CEP89: variants seen among roughly 807,000 people sequenced by gnomAD.
CEP89 encodes the protein centrosomal protein of 89 kDa.
A neutral mutation model predicts 97.6 loss-of-function variants in CEP89; 95 were observed. The observed-to-expected ratio is 0.97, with a 90% CI of 0.82 to 1.15. The LOEUF (loss-of-function observed/expected upper bound fraction) is 1.15. Ranked by LOEUF, CEP89 falls within the 50% of genes most tolerant of loss-of-function variation. CEP89 has a pLI of 0.00. For missense variants in CEP89, 869 were observed against 947.7 expected (o/e 0.92, Z 1.09); for synonymous variants, 354 against 349.1 (o/e 1.01, Z -0.16).
chr19:32,963,622 GC>G (rs1246714419), intron 2 of CEP89: 8 of 152,076 alleles, frequency 5.3e-5, no homozygotes, highest in African/African-American at 1.7e-4. Context: ...ACTGCCCCTG[GC>G]ATACACAAAG....
Position 32,971,756 on chromosome 19 carries a change from A to T in CEP89, c.39+80T>A, listed in dbSNP as rs1272482147. On this transcript the variant is annotated intron_variant, in intron 1 of 18. Coordinates refer to ENST00000305768, the MANE Select transcript of CEP89 (RefSeq NM_032816.5). ...GCCCCCTTGACTGGATCTCAGGCCA[A>T]ACCCCAACCCGCCCCAACACTTTAC... 1 of 1,469,026 alleles carries T rather than the reference A, an allele frequency of 6.8e-7. No individual in the cohort carries two copies. The highest frequency in any genetic ancestry group is 9.3e-7 in the Non-Finnish European group (1 of 1,071,492). The allele number at this position is 1,469,026 out of a possible 1,614,324, so 91.0% of individuals were successfully genotyped here. A position where few individuals can be genotyped will look rare whatever the true frequency, so the allele number is the denominator to read the frequency against.
chr19:32,955,044 G>A (rs145046735), intron 3 of CEP89, among the ~76,000 whole-genome samples: 1 of 151,906 alleles, frequency 6.6e-6, no homozygotes, highest in Non-Finnish European at 1.5e-5. Context: ...GAATGCAGAG[G>A]TGCAATCTTG....
intron 18 of CEP89, among the ~76,000 whole-genome samples, chr19:32,880,307 G>T (rs1048932331): frequency 3.9e-5 from 6 of 152,204 alleles, no homozygotes; most frequent in Non-Finnish European, 7.3e-5. Context: ...GCAGGACACT[G>T]AAGTTCAGGG....
At chr19:32,931,964 G>A (rs934749081) in intron 8 of CEP89, among the ~76,000 whole-genome samples, 6 of 152,140 alleles carry the variant, frequency 3.9e-5, no homozygotes, top group Admixed American at 6.5e-5. Context: ...GGTGGATCAC[G>A]AGGTGAGGAG....
chr19:32,961,792 C>T (rs569865151), intron 2 of CEP89, among the ~76,000 whole-genome samples: 2 of 151,562 alleles, frequency 1.3e-5, no homozygotes, highest in Admixed American at 6.6e-5. Flanking sequence ...TATAGGCACA[C>T]GCCACCACAC....
At chr19:32,896,361 G>T (rs59563992) in intron 16 of CEP89, among the ~76,000 whole-genome samples, 1 of 151,786 alleles carries the variant, frequency 6.6e-6, no homozygotes, top group East Asian at 1.9e-4. Flanking sequence ...AAGAACATAC[G>T]CTGGGGAAAG....
Position 32,899,833 on chromosome 19 carries a change from T to C in CEP89, c.1875+24A>G, listed in dbSNP as rs746266178. On this transcript the variant is annotated intron_variant, in intron 16 of 18. Coordinates refer to ENST00000305768, the MANE Select transcript of CEP89 (RefSeq NM_032816.5). ...TTTGCATATTAACTCGCAGTTTACT[T>C]GATGTAACCTTCAGGAAACTTACCA... The C allele has an allele frequency of 1.3e-5, 20 of 1,593,260 alleles. No individual in the cohort carries two copies. In the East Asian group the frequency reaches 4.5e-4, roughly 36 times the overall value.
intron 14 of CEP89, among the ~76,000 whole-genome samples, chr19:32,913,445 T>C (rs868369979): frequency 1.3e-5 from 2 of 151,740 alleles, no homozygotes; most frequent in South Asian, 2.1e-4. Context: ...ATACCATACA[T>C]AGGTATATAT....
Position 32,881,842 on chromosome 19 carries a change from A to G in CEP89, c.2135+2T>C, listed in dbSNP as rs1344305731. The G allele has an allele frequency of 6.3e-7, 1 of 1,599,560 alleles. No homozygotes were observed. Among genetic ancestry groups the G allele is most frequent in the South Asian group, 1.1e-5 (1 of 89,800 alleles). Reference sequence around the variant, plus strand: ...GGCCATGGCGCAGGGCGCATGCCCCACCTGTTCTGCTGCAGCGCCTGGTCC... The same window carrying G: ...GGCCATGGCGCAGGGCGCATGCCCCGCCTGTTCTGCTGCAGCGCCTGGTCC... On this transcript the variant is annotated splice_donor_variant, in intron 18 of 18. Transcript: ENST00000305768. LOFTEE classifies it high-confidence loss of function.
chr19:32,882,709 C>T (rs960527891), intron 17 of CEP89, among the ~76,000 whole-genome samples: 1 of 152,198 alleles, frequency 6.6e-6, no homozygotes, highest in Non-Finnish European at 1.5e-5. Context: ...CACTGTTTCA[C>T]CTTGACAAGA....
intron 14 of CEP89, among the ~76,000 whole-genome samples, chr19:32,902,802 C>T (rs763690090): frequency 8.5e-5 from 13 of 152,122 alleles, no homozygotes; most frequent in Non-Finnish European, 1.8e-4. Context: ...CTGATCTGTC[C>T]GTGTGTGAGA....
At chr19:32,882,628 G>A (rs148628294) in intron 17 of CEP89, among the ~76,000 whole-genome samples, 191 of 151,444 alleles carry the variant, frequency 1.3e-3, no homozygotes, top group African/African-American at 4.3e-3. Context: ...ATCTACAACT[G>A]TATTTTTTCC....
chr19:32,941,408 CAGG>C (rs928325022), intron 5 of CEP89, among the ~76,000 whole-genome samples: 3 of 152,018 alleles, frequency 2.0e-5, no homozygotes, highest in Admixed American at 2.0e-4. Context: ...GCGGCTGAGG[CAGG>C]AGAATTGCTT....
intron 7 of CEP89, among the ~76,000 whole-genome samples, chr19:32,935,410 T>A (rs920901559): frequency 3.3e-5 from 5 of 152,100 alleles, no homozygotes; most frequent in African/African-American, 1.2e-4. Flanking sequence ...ACCCTAAGAC[T>A]GGATGCGCAT....
At chr19:32,885,297 G>C (rs58744764) in intron 17 of CEP89, among the ~76,000 whole-genome samples, 14,894 of 152,136 alleles carry the variant, frequency 0.098, 919 homozygotes, top group Middle Eastern at 0.17. Flanking sequence ...TAATTTTGCC[G>C]AAGTTTCCCC....
At chr19:32,942,228 CA>C (rs1970702026) in intron 5 of CEP89, among the ~76,000 whole-genome samples, 2 of 151,934 alleles carry the variant, frequency 1.3e-5, no homozygotes, top group African/African-American at 2.4e-5. Flanking sequence ...CAAAAAATAC[CA>C]AATTAGTCGG....
At chr19:32,885,852 C>T (rs967299696) in intron 17 of CEP89, among the ~76,000 whole-genome samples, 4 of 152,204 alleles carry the variant, frequency 2.6e-5, no homozygotes, top group African/African-American at 7.2e-5. Flanking sequence ...TCCACCGAAT[C>T]CTTTGCACAT....
rs200772998 is a variant in CEP89, at chr19:32,899,996, T to C, written c.1736A>G (p.Lys579Arg). 7 of 1,614,092 alleles carry C rather than the reference T, an allele frequency of 4.3e-6. No individual in the cohort carries two copies. The Admixed American group carries it at 1.2e-4, about 27-fold the overall frequency. Residue 579 changes from lysine (K) to arginine (R), a missense_variant and splice_region_variant, in exon 16 of 19, where the codon AAA becomes AGA. By Grantham distance (26) the Lys-to-Arg change is conservative. Transcript: ENST00000305768. ...ELERAQKINR[K>R]SQKKIEVLKK... is the part of the protein sequence containing the mutation. ...GAGGACCTCAATTTTCTTTTGAGAT[T>C]TCCTAGAGAGTTACCCCAAATGGTA...
Position 32,936,785 on chromosome 19 carries a change from A to C in CEP89, c.667+846T>G, listed in dbSNP as rs1157998281. 6.6e-6 allele frequency among the ~76,000 whole-genome samples: 1 copy of C among 152,092 alleles called. No homozygotes were observed. The highest frequency in any genetic ancestry group is 6.5e-5 in the Admixed American group (1 of 15,282). ...AGAATAACCAGCTGCAGAGAAGAACAACCCTCTCCAGGGCTTCCTCTTTGC... is the reference window on the plus strand; with the variant it reads ...AGAATAACCAGCTGCAGAGAAGAACCACCCTCTCCAGGGCTTCCTCTTTGC... On this transcript the variant is annotated intron_variant, in intron 7 of 18. Coordinates refer to ENST00000305768, the MANE Select transcript of CEP89 (RefSeq NM_032816.5). The surrounding 1 kb of genome is among the most constrained non-coding windows in gnomAD (Gnocchi z 4.5).
Sources: gnomAD v4.1 joint callset for allele counts (sites outside exome capture counted in the v4.1 genomes callset) on GRCh38, gnomAD v4.1.1 for gene constraint, Gnocchi (gnomAD v3.1) non-coding constraint, MANE v1.5 for transcripts, NCBI Gene and HGNC (gene_info 2026-07-23, HGNC 2026-07-21) for gene names.